The following CNTN5 variants were observed in gnomAD, a reference collection of about 807,000 sequenced individuals.
The protein encoded by CNTN5 is contactin-5.
Under a neutral mutation model 129.1 loss-of-function variants are expected in CNTN5, and 77 were observed. The ratio of observed to expected loss-of-function variants is 0.60; its 90% CI spans 0.50 to 0.72. CNTN5 has a LOEUF of 0.72. CNTN5 is among the 30% of genes least tolerant of loss of function. The pLI is 0.00. For missense variants in CNTN5, 1,478 were observed against 1,328.8 expected (o/e 1.11, Z -1.75); for synonymous variants, 509 against 465.6 (o/e 1.09, Z -1.20).
At chr11:99,812,897 T>C (rs1946472437) in intron 3 of CNTN5, among the ~76,000 whole-genome samples, 1 of 152,162 alleles carries the variant, frequency 6.6e-6, no homozygotes, top group African/African-American at 2.4e-5. Flanking sequence ...TGCTTTTTTT[T>C]TCTCCTTTAT....
intron 15 of CNTN5, among the ~76,000 whole-genome samples, chr11:100,209,199 G>A (rs1056303882): frequency 1.3e-5 from 2 of 152,158 alleles, no homozygotes; most frequent in South Asian, 2.1e-4. Context: ...TGATACTTTA[G>A]CTGTGATATC....
At chr11:99,074,756 A>G (rs1391331449) in intron 1 of CNTN5, among the ~76,000 whole-genome samples, 1 of 152,208 alleles carries the variant, frequency 6.6e-6, no homozygotes, top group Non-Finnish European at 1.5e-5. Flanking sequence ...TGCTAGTGCA[A>G]TTCATTTCAA....
chr11:100,065,311 A>G (rs1431022590), intron 10 of CNTN5, among the ~76,000 whole-genome samples: 1 of 152,038 alleles, frequency 6.6e-6, no homozygotes, highest in Non-Finnish European at 1.5e-5. Flanking sequence ...AGCCCTGTGA[A>G]TTCTGTTCAG....
chr11:99,991,755 T>G (rs1040358103), intron 8 of CNTN5, among the ~76,000 whole-genome samples: 5 of 150,326 alleles, frequency 3.3e-5, no homozygotes, highest in African/African-American at 1.2e-4. Flanking sequence ...TTTGTTTGTT[T>G]GTTTGTTTGT....
In CNTN5 at chr11:99,925,616, G is replaced by A. The variant is rs1028243956; in HGVS notation, c.673+9467G>A. On this transcript the variant is annotated intron_variant, in intron 7 of 24. Transcript: ENST00000524871. ...CCTTGGAAGTATTGGTTAGAGTAGA[G>A]CAAAGAGGTCTTCAGTTTTTGTGTA... Among the ~76,000 whole-genome samples, 5 of 152,246 alleles carry A rather than the reference G, an allele frequency of 3.3e-5. No individual in the cohort carries two copies. The East Asian group carries it at 9.7e-4, about 29-fold the overall frequency.
chr11:99,750,564 C>A, intron 3 of CNTN5, among the ~76,000 whole-genome samples: 1 of 151,704 alleles, frequency 6.6e-6, no homozygotes, highest in Non-Finnish European at 1.5e-5. Context: ...AAAGCTACCA[C>A]TCTTACCTCC....
At chr11:99,581,654 C>T (rs1237774349) in intron 3 of CNTN5, among the ~76,000 whole-genome samples, 1 of 152,138 alleles carries the variant, frequency 6.6e-6, no homozygotes, top group African/African-American at 2.4e-5. Flanking sequence ...AGGATTGCAA[C>T]CCCTGCCTTT....
At chr11:99,122,320 C>T (rs1224350391) in intron 1 of CNTN5, among the ~76,000 whole-genome samples, 1 of 151,996 alleles carries the variant, frequency 6.6e-6, no homozygotes, top group Non-Finnish European at 1.5e-5. Context: ...TCAATGAGTA[C>T]TTCATAATAT....
chr11:99,214,236 T>C (rs1382981533), intron 1 of CNTN5, among the ~76,000 whole-genome samples: 5 of 151,966 alleles, frequency 3.3e-5, no homozygotes, highest in Non-Finnish European at 7.4e-5. Flanking sequence ...GGAACCAGCT[T>C]ATTCAAATGC....
chr11:99,738,343 G>T (rs777173036), intron 3 of CNTN5, among the ~76,000 whole-genome samples: 23 of 152,162 alleles, frequency 1.5e-4, no homozygotes, highest in Non-Finnish European at 3.2e-4. Context: ...AACCAAACCT[G>T]TCAACATCTT....
chr11:99,837,880 TAAA>T (rs918856463), intron 4 of CNTN5, among the ~76,000 whole-genome samples: 1 of 152,066 alleles, frequency 6.6e-6, no homozygotes, highest in Non-Finnish European at 1.5e-5. Context: ...AAGCTAAAAG[TAAA>T]AAAACTTCAT....
At chr11:99,925,171 A>G (rs903107640) in intron 7 of CNTN5, among the ~76,000 whole-genome samples, 18 of 152,212 alleles carry the variant, frequency 1.2e-4, no homozygotes, top group Non-Finnish European at 2.5e-4. Context: ...TGGTATGCAT[A>G]TCCATCAGGG....
chr11:99,697,424 T>C (rs1954320108), intron 3 of CNTN5, among the ~76,000 whole-genome samples: 1 of 151,746 alleles, frequency 6.6e-6, no homozygotes, highest in Admixed American at 6.6e-5. Flanking sequence ...GCTTTGAGAA[T>C]GGCACCTTAA....
intron 3 of CNTN5, among the ~76,000 whole-genome samples, chr11:99,775,745 T>C (rs1274656341): frequency 1.3e-5 from 2 of 152,028 alleles, no homozygotes; most frequent in Non-Finnish European, 2.9e-5. Flanking sequence ...GTTATGATAA[T>C]AATGCTAAGC....
intron 1 of CNTN5, among the ~76,000 whole-genome samples, chr11:99,063,796 A>T (rs1435800868): frequency 6.6e-6 from 1 of 152,072 alleles, no homozygotes; most frequent in Non-Finnish European, 1.5e-5. Context: ...AAGAAAAATA[A>T]ATTTGCTGCT....
At chr11:100,003,314 C>T (rs1186528216) in intron 9 of CNTN5, among the ~76,000 whole-genome samples, 4 of 152,018 alleles carry the variant, frequency 2.6e-5, no homozygotes, top group Non-Finnish European at 5.9e-5. Context: ...AGGAAGCCTC[C>T]TAAACCTAAA....
At chr11:99,852,465 A>G (rs1947902833) in intron 6 of CNTN5, among the ~76,000 whole-genome samples, 1 of 152,224 alleles carries the variant, frequency 6.6e-6, no homozygotes, top group Non-Finnish European at 1.5e-5. Flanking sequence ...GCATGAGCCA[A>G]GATACCCAGC....
chr11:99,173,884 G>T (rs1857645762), intron 1 of CNTN5, among the ~76,000 whole-genome samples: 1 of 152,180 alleles, frequency 6.6e-6, no homozygotes, highest in South Asian at 2.1e-4. Context: ...GCCTAAGCAA[G>T]GATGGTGGCT....
At chr11:99,765,535 A>T (rs190306193) in intron 3 of CNTN5, among the ~76,000 whole-genome samples, 1 of 151,842 alleles carries the variant, frequency 6.6e-6, no homozygotes, top group African/African-American at 2.4e-5. Context: ...CATTATTTTA[A>T]TTTCTGTACC....
Sources: allele counts gnomAD v4.1 joint callset (sites outside exome capture counted in the v4.1 genomes callset), GRCh38; gene constraint gnomAD v4.1.1; transcripts MANE v1.5; gene names NCBI Gene and HGNC (gene_info 2026-07-23, HGNC 2026-07-21).